Variants in NCKAP5 observed in about 807,000 individuals in gnomAD.
NCKAP5 encodes the protein NCK associated protein 5.
Under a neutral mutation model 167.0 loss-of-function variants are expected in NCKAP5, and 92 were observed. That is an observed-to-expected ratio of 0.55 (90% confidence interval 0.47 to 0.66). The LOEUF (loss-of-function observed/expected upper bound fraction) is 0.66, where lower values mean the gene tolerates loss of function less well. Among genes scored for constraint, NCKAP5 ranks in the 30% least tolerant of loss-of-function variants. The pLI is 0.00. For missense variants in NCKAP5, 2,378 were observed against 2,315.0 expected (o/e 1.03, Z -0.56); for synonymous variants, 891 against 877.4 (o/e 1.02, Z -0.27).
intron 3 of NCKAP5, among the ~76,000 whole-genome samples, chr2:133,470,386 G>A (rs1359362180): frequency 1.8e-4 from 28 of 152,288 alleles, no homozygotes; most frequent in Admixed American, 4.6e-4. Flanking sequence ...CTCCAGCTGC[G>A]TGCTGGGAGA....
intron 3 of NCKAP5, among the ~76,000 whole-genome samples, chr2:133,371,724 A>G (rs758676425): frequency 2.6e-5 from 4 of 152,346 alleles, no homozygotes; most frequent in African/African-American, 9.6e-5. Flanking sequence ...CTCTGAATCA[A>G]TGAAGAATGG....
intron 2 of NCKAP5, among the ~76,000 whole-genome samples, chr2:133,542,098 G>A (rs1170844572): frequency 6.6e-6 from 1 of 152,096 alleles, no homozygotes; most frequent in African/African-American, 2.4e-5. Flanking sequence ...GAAAATTTGA[G>A]TTCTGGTTTC....
chr2:132,925,129 T>G (rs551851417), intron 8 of NCKAP5, among the ~76,000 whole-genome samples: 1 of 152,054 alleles, frequency 6.6e-6, no homozygotes, highest in Non-Finnish European at 1.5e-5. Context: ...CCATGGACTT[T>G]GTTGGGGGGT....
chr2:133,272,633 T>C (rs2089563145), intron 4 of NCKAP5, among the ~76,000 whole-genome samples: 2 of 152,192 alleles, frequency 1.3e-5, no homozygotes, highest in South Asian at 4.1e-4. Flanking sequence ...AATTTGTTTT[T>C]AGCATATGCA....
intron 3 of NCKAP5, among the ~76,000 whole-genome samples, chr2:133,437,630 A>T (rs1690576193): frequency 6.6e-6 from 1 of 152,136 alleles, no homozygotes; most frequent in Non-Finnish European, 1.5e-5. Context: ...ATGATTCCTA[A>T]AGCAGCCCCA....
intron 6 of NCKAP5, among the ~76,000 whole-genome samples, chr2:133,093,679 G>C (rs963024183): frequency 1.3e-5 from 2 of 152,144 alleles, no homozygotes; most frequent in African/African-American, 4.8e-5. Flanking sequence ...GGTGGCTTCT[G>C]GTATAGCTGG....
chr2:132,910,811 G>C (rs547645572), intron 8 of NCKAP5, among the ~76,000 whole-genome samples: 22 of 152,252 alleles, frequency 1.4e-4, no homozygotes, highest in African/African-American at 4.6e-4. Context: ...CTTTGGATTG[G>C]ATTGGATTTG....
At chr2:133,479,498 C>T (rs1278883210) in intron 3 of NCKAP5, among the ~76,000 whole-genome samples, 1 of 152,176 alleles carries the variant, frequency 6.6e-6, no homozygotes, top group Non-Finnish European at 1.5e-5. Context: ...GAAAAGAGAA[C>T]TTGAAATATT....
At chr2:133,599,280 G>T in the NCKAP5 span, among the ~76,000 whole-genome samples, 2 of 152,302 alleles carry the variant, frequency 1.3e-5, no homozygotes, top group East Asian at 1.9e-4. Flanking sequence ...ATCCTAGAAG[G>T]CACTTTGAGA....
the NCKAP5 span, among the ~76,000 whole-genome samples, chr2:133,663,962 A>G: frequency 6.6e-6 from 1 of 152,156 alleles, no homozygotes; most frequent in African/African-American, 2.4e-5. Context: ...AAGACTGTCA[A>G]TGGCAGCTTT....
chr2:132,782,993 G>A lies in NCKAP5; in HGVS notation c.3818C>T (p.Ala1273Val), dbSNP rs761468271. 1 of 1,613,936 alleles carries A rather than the reference G, an allele frequency of 6.2e-7. No individual in the cohort carries two copies. Residue 1273 changes from alanine (A) to valine (V), a missense_variant, in exon 14 of 20, where the codon GCC becomes GTC. Coordinates refer to ENST00000409261, the MANE Select transcript of NCKAP5 (RefSeq NM_207363.3). ...KPALGMNGAKARSHSFSTHSG... is the reference protein window; with the variant it reads ...KPALGMNGAKVRSHSFSTHSG... The stretch of plus-strand genomic sequence containing the variant: ...GTGTGTACTGAAGCTGTGGCTGCGG[G>A]CTTTGGCGCCATTCATACCCAGAGC...
intron 4 of NCKAP5, among the ~76,000 whole-genome samples, chr2:133,227,331 T>C (rs2086939998): frequency 6.6e-6 from 1 of 152,340 alleles, no homozygotes; most frequent in African/African-American, 2.4e-5. Flanking sequence ...TTCTTTTTAC[T>C]AAGTCTACTG....
intron 3 of NCKAP5, among the ~76,000 whole-genome samples, chr2:133,318,231 T>A (rs539426593): frequency 6.6e-5 from 10 of 152,264 alleles, no homozygotes; most frequent in African/African-American, 2.2e-4. Context: ...AGAGAAAGGA[T>A]TTATGAAGTA....
Position 132,683,224 on chromosome 2 carries a change from C to G in NCKAP5, c.5714-9919G>C, listed in dbSNP as rs77210852. 4.6e-5 allele frequency among the ~76,000 whole-genome samples: 7 copies of G among 151,652 alleles called. No individual in the cohort carries two copies. The East Asian group carries it at 1.4e-3, about 30-fold the overall frequency. On this transcript the variant is annotated intron_variant, in intron 19 of 19. Transcript: ENST00000409261. Reference sequence around the variant, plus strand: ...ACGAATATGCTATCCGTTCTGACATCCCGAAAGGACCAGAGGGAGAGGGTA... The same window carrying G: ...ACGAATATGCTATCCGTTCTGACATGCCGAAAGGACCAGAGGGAGAGGGTA...
intron 4 of NCKAP5, chr2:133,268,243 T>C (rs1469667568): frequency 6.6e-6 from 1 of 152,236 alleles, no homozygotes; most frequent in Non-Finnish European, 1.5e-5. Context: ...CACTCACTTA[T>C]CTAGGCAGAG....
chr2:133,149,230 A>G (rs549445229), intron 5 of NCKAP5, among the ~76,000 whole-genome samples: 1 of 152,328 alleles, frequency 6.6e-6, no homozygotes, highest in South Asian at 2.1e-4. Flanking sequence ...GATAAGAAGT[A>G]TGATGTATTT....
intron 3 of NCKAP5, among the ~76,000 whole-genome samples, chr2:133,466,648 A>G (rs560806624): frequency 1.3e-5 from 2 of 152,150 alleles, no homozygotes; most frequent in Non-Finnish European, 1.5e-5. Context: ...ATGAGCATGG[A>G]ATGTTCTTCC....
rs183167233 is a variant in NCKAP5 at position 133,189,241 on chromosome 2, T to C, written c.207+24475A>G. Among the ~76,000 whole-genome samples the C allele has an allele frequency of 3.9e-5, 6 of 152,058 alleles. No individual in the cohort carries two copies. The South Asian group carries it at 8.3e-4, about 21-fold the overall frequency. On this transcript the variant is annotated intron_variant, in intron 5 of 19. Coordinates refer to ENST00000409261, the MANE Select transcript of NCKAP5 (RefSeq NM_207363.3). ...CTCCCAAGACTAAACCAGGAAGAAG[T>C]TGAATCTCTGAATAGACCGATAACA...
chr2:132,858,531 A>T (rs1689642681), intron 11 of NCKAP5, among the ~76,000 whole-genome samples: 1 of 152,206 alleles, frequency 6.6e-6, no homozygotes. Context: ...CCATGAGTGA[A>T]ATAATTAACA....
Sources: gnomAD v4.1 joint callset for allele counts (sites outside exome capture counted in the v4.1 genomes callset) on GRCh38, gnomAD v4.1.1 for gene constraint, MANE v1.5 for transcripts, NCBI Gene and HGNC (gene_info 2026-07-23, HGNC 2026-07-21) for gene names.